SUGCT: variants seen among roughly 807,000 people sequenced by gnomAD.
SUGCT encodes succinyl-CoA:glutarate CoA-transferase.
Under a neutral mutation model 55.0 loss-of-function variants are expected in SUGCT, and 41 were observed. The observed-to-expected ratio is 0.74, with a 90% CI of 0.58 to 0.97. SUGCT has a LOEUF of 0.97. Ranked by LOEUF, SUGCT falls within the 50% of genes least tolerant of loss-of-function variation. The pLI is 0.00. For missense variants in SUGCT, 568 were observed against 547.8 expected, an observed-to-expected ratio of 1.04 and a Z score of -0.37; for synonymous variants, 187 against 200.4, an observed-to-expected ratio of 0.93 and a Z score of 0.56.
chr7:40,442,612 G>C (rs1015616515), intron 9 of SUGCT, among the ~76,000 whole-genome samples: 1 of 151,820 alleles, frequency 6.6e-6, no homozygotes, highest in African/African-American at 2.4e-5. Context: ...GTTGTTGATG[G>C]TAATCTAGCT....
chr7:40,972,968 G>A, the SUGCT span, among the ~76,000 whole-genome samples: 1 of 152,140 alleles, frequency 6.6e-6, no homozygotes, highest in Non-Finnish European at 1.5e-5. Context: ...ACCCAGGAAT[G>A]GCCTCTCTCA....
chr7:40,521,312 C>T lies in SUGCT; in HGVS notation c.1089+24926C>T, dbSNP rs77972435. On this transcript the variant is annotated intron_variant, in intron 12 of 13. Coordinates refer to ENST00000335693, the MANE Select transcript of SUGCT (RefSeq NM_001193313.2). ...ATGTGTAGTACAGTGCTTTCCCTGC[C>T]TATCTTTCTTGCTCCTGCTCCAGTC... Among the ~76,000 whole-genome samples, 3 of 152,218 alleles carry T rather than the reference C, an allele frequency of 2.0e-5. No homozygotes were observed. In the East Asian group the frequency reaches 5.8e-4, roughly 29 times the overall value.
At chr7:40,295,052 A>G (rs934757395) in intron 8 of SUGCT, among the ~76,000 whole-genome samples, 3 of 152,226 alleles carry the variant, frequency 2.0e-5, no homozygotes, top group African/African-American at 7.2e-5. Flanking sequence ...TAACAGATAT[A>G]CAGAAAATAG....
the SUGCT span, among the ~76,000 whole-genome samples, chr7:40,911,001 TAATAGGTACTAAA>T: frequency 6.6e-6 from 1 of 152,256 alleles, no homozygotes; most frequent in South Asian, 2.1e-4. Flanking sequence ...GAGGTTCTGA[TAATAGGTACTAAA>T]AATAAATCTG....
intron 9 of SUGCT, among the ~76,000 whole-genome samples, chr7:40,337,672 A>G (rs1465509609): frequency 6.6e-6 from 1 of 152,196 alleles, no homozygotes; most frequent in Admixed American, 6.5e-5. Flanking sequence ...TCCTGAATAC[A>G]GCACACTGAT....
intron 6 of SUGCT, among the ~76,000 whole-genome samples, chr7:40,210,647 T>C (rs1787284870): frequency 6.6e-6 from 1 of 152,106 alleles, no homozygotes; most frequent in Non-Finnish European, 1.5e-5. Context: ...AGCGCACACC[T>C]GGATAAGGAA....
chr7:40,928,997 A>G, the SUGCT span, among the ~76,000 whole-genome samples: 52 of 152,202 alleles, frequency 3.4e-4, 1 homozygote, highest in East Asian at 9.5e-3. Flanking sequence ...AGTTTGTTAC[A>G]TAGGTATACA....
chr7:40,439,059 ATGGTG>A (rs1372622172), intron 9 of SUGCT, among the ~76,000 whole-genome samples: 2 of 51,464 alleles, frequency 3.9e-5, no homozygotes, highest in Non-Finnish European at 7.0e-5. Flanking sequence ...TGGTATATAT[ATGGTG>A]TATATATATA....
At chr7:40,483,495 A>G (rs1383503724) in intron 11 of SUGCT, among the ~76,000 whole-genome samples, 3 of 152,170 alleles carry the variant, frequency 2.0e-5, no homozygotes, top group Non-Finnish European at 2.9e-5. Flanking sequence ...GATAGGCACT[A>G]TTTTTTAAAC....
At chr7:40,196,106 A>G (rs1786275985) in intron 6 of SUGCT, among the ~76,000 whole-genome samples, 1 of 152,206 alleles carries the variant, frequency 6.6e-6, no homozygotes, top group South Asian at 2.1e-4. Context: ...AAAGGAAGGA[A>G]AAGAGTGGCA....
chr7:40,792,362 A>G (rs560168434), intron 13 of SUGCT, among the ~76,000 whole-genome samples: 2 of 152,250 alleles, frequency 1.3e-5, no homozygotes, highest in East Asian at 3.9e-4. Context: ...CATTATCAAG[A>G]GGATACTAAG....
intron 13 of SUGCT, among the ~76,000 whole-genome samples, chr7:40,833,261 C>A (rs367600111): frequency 6.6e-6 from 1 of 152,188 alleles, no homozygotes; most frequent in African/African-American, 2.4e-5. Context: ...TTTCCAAGAC[C>A]CATCTTAACA....
chr7:40,805,251 G>A (rs765158260), intron 13 of SUGCT, among the ~76,000 whole-genome samples: 4 of 152,048 alleles, frequency 2.6e-5, no homozygotes, highest in African/African-American at 7.2e-5. Flanking sequence ...CTGGGTGTAC[G>A]CCATGCCCTT....
At chr7:40,976,590 T>C in the SUGCT span, among the ~76,000 whole-genome samples, 1 of 152,300 alleles carries the variant, frequency 6.6e-6, no homozygotes, top group African/African-American at 2.4e-5. Context: ...AGAAGAATTA[T>C]TTTTCCTACA....
At chr7:40,496,480 G>T in intron 12 of SUGCT, 94 bp downstream of exon 12, 3 of 847,242 alleles carry the variant, frequency 3.5e-6, no homozygotes, top group Non-Finnish European at 3.9e-6. Context: ...TAAGTCACAT[G>T]ATGTGAATTT....
Position 40,331,017 on chromosome 7 carries a change from G to A in SUGCT, c.816+14162G>A, listed in dbSNP as rs146793700. 8.8e-3 allele frequency among the ~76,000 whole-genome samples: 1,342 copies of A among 152,172 alleles called. 12 individuals are homozygous for A. Among genetic ancestry groups the A allele is most frequent in the South Asian group, 0.017 (83 of 4,824 alleles). ...GCGCCACATTGAAAGAAGAAGAATT[G>A]TCTTGGGCCACACATAAAATACAGC... On this transcript the variant is annotated intron_variant, in intron 9 of 13. Coordinates refer to ENST00000335693, the MANE Select transcript of SUGCT (RefSeq NM_001193313.2).
intron 9 of SUGCT, among the ~76,000 whole-genome samples, chr7:40,349,704 A>G (rs1225311109): frequency 7.3e-6 from 1 of 137,248 alleles, no homozygotes; most frequent in Middle Eastern, 5.3e-3. Flanking sequence ...GCAGGGTTTC[A>G]CTCTGTTGCC....
chr7:40,612,544 G>C (rs1798816373), intron 12 of SUGCT, among the ~76,000 whole-genome samples: 1 of 152,182 alleles, frequency 6.6e-6, no homozygotes, highest in Non-Finnish European at 1.5e-5. Flanking sequence ...TCAAGATTAA[G>C]AGGACAGAGT....
the SUGCT span, among the ~76,000 whole-genome samples, chr7:40,962,154 A>T: frequency 1.3e-5 from 2 of 152,126 alleles, no homozygotes; most frequent in Non-Finnish European, 2.9e-5. Context: ...TGATTGGTGC[A>T]TTTACAAACC....
Sources: allele counts gnomAD v4.1 joint callset (sites outside exome capture counted in the v4.1 genomes callset), GRCh38; gene constraint gnomAD v4.1.1; transcripts MANE v1.5; gene names NCBI Gene and HGNC (gene_info 2026-07-23, HGNC 2026-07-21).